Variants in FBXO42 observed in about 807,000 individuals in gnomAD.
The protein encoded by FBXO42 is F-box protein 42.
A neutral mutation model predicts 71.7 loss-of-function variants in FBXO42; 12 were observed. The observed-to-expected ratio is 0.17, with a 90% CI of 0.11 to 0.27. FBXO42 has a LOEUF of 0.27. Among genes scored for constraint, FBXO42 ranks in the 10% least tolerant of loss-of-function variants. The pLI, the probability that FBXO42 is intolerant of heterozygous loss-of-function variation, is 1.00. For missense variants in FBXO42, 707 were observed against 911.9 expected, an observed-to-expected ratio of 0.78 and a Z score of 2.89; for synonymous variants, 325 against 327.5, an observed-to-expected ratio of 0.99 and a Z score of 0.08.
At chr1:16,311,892 T>C (rs1383983139) in intron 2 of FBXO42, among the ~76,000 whole-genome samples, 1 of 152,150 alleles carries the variant, frequency 6.6e-6, no homozygotes, top group Non-Finnish European at 1.5e-5. Flanking sequence ...TGAAAACTTA[T>C]GTCCACAGAA....
chr1:16,253,193 C>T lies in FBXO42; in HGVS notation c.865-41G>A, dbSNP rs144192275. On this transcript the variant is annotated intron_variant, in intron 7 of 9. Transcript: ENST00000375592. ...CATTGAAAATAAACCTACAAAGACA[C>T]AGGTTTCTGACTTTCTATGCTTCAC... is the stretch of plus-strand genomic sequence containing the variant. 3,334 of 1,578,424 alleles carry T rather than the reference C, an allele frequency of 2.1e-3. 67 individuals are homozygous for T. Among genetic ancestry groups the T allele is most frequent in the East Asian group, 4.6e-3 (205 of 44,534 alleles).
At chr1:16,332,820 T>G (rs1466862700) in intron 1 of FBXO42, among the ~76,000 whole-genome samples, 1 of 152,034 alleles carries the variant, frequency 6.6e-6, no homozygotes, top group African/African-American at 2.4e-5. Flanking sequence ...GGATTACAAG[T>G]GTGAGCCACT....
At chr1:16,316,232 G>A (rs1332493905) in intron 1 of FBXO42, among the ~76,000 whole-genome samples, 1 of 148,912 alleles carries the variant, frequency 6.7e-6, no homozygotes, top group East Asian at 2.0e-4. Flanking sequence ...TTTTATGCAA[G>A]ACGATTCACT....
intron 1 of FBXO42, among the ~76,000 whole-genome samples, chr1:16,319,526 G>A (rs1235163073): frequency 1.3e-5 from 2 of 152,124 alleles, no homozygotes; most frequent in African/African-American, 4.8e-5. Flanking sequence ...GTGGTATGGG[G>A]GAAAGGCACT....
At chr1:16,300,670 G>C (rs2082182238) in intron 3 of FBXO42, among the ~76,000 whole-genome samples, 2 of 152,136 alleles carry the variant, frequency 1.3e-5, no homozygotes, top group Non-Finnish European at 2.9e-5. Flanking sequence ...GAAGAAGCAA[G>C]GGCGGTTATC....
chr1:16,342,474 AGGGAGGCT>A (rs1217665482), intron 1 of FBXO42, among the ~76,000 whole-genome samples: 1 of 149,262 alleles, frequency 6.7e-6, no homozygotes, highest in African/African-American at 2.5e-5. Flanking sequence ...CTCTGCTACT[AGGGAGGCT>A]GGGGTAGGAG....
chr1:16,349,141 C>G (rs1437340896), intron 1 of FBXO42, among the ~76,000 whole-genome samples: 1 of 152,096 alleles, frequency 6.6e-6, no homozygotes, highest in Non-Finnish European at 1.5e-5. Flanking sequence ...GGAAAAGAAC[C>G]CATGACAGAA....
intron 1 of FBXO42, among the ~76,000 whole-genome samples, chr1:16,341,910 G>A (rs1193710689): frequency 2.0e-5 from 3 of 149,600 alleles, no homozygotes; most frequent in Non-Finnish European, 4.4e-5. Flanking sequence ...GGCGGAGGTC[G>A]CGATGAGCCA....
chr1:16,335,668 C>A (rs1215454647), intron 1 of FBXO42, among the ~76,000 whole-genome samples: 2 of 151,866 alleles, frequency 1.3e-5, no homozygotes, highest in African/African-American at 4.8e-5. Flanking sequence ...GAGTTCGAGA[C>A]CAGCCTGGCC....
intron 1 of FBXO42, among the ~76,000 whole-genome samples, chr1:16,345,214 G>C (rs1166388528): frequency 6.6e-6 from 1 of 151,284 alleles, no homozygotes; most frequent in Non-Finnish European, 1.5e-5. Context: ...ACGAGGCCAG[G>C]AGTTCGAGAC....
At chr1:16,263,807 CTTTTTTTT>C (rs1193282987) in intron 4 of FBXO42, among the ~76,000 whole-genome samples, 3 of 126,644 alleles carry the variant, frequency 2.4e-5, no homozygotes, top group Middle Eastern at 4.3e-3. Context: ...CATACATTAA[CTTTTTTTT>C]TTTTTTTTTT....
rs190454215 is a variant in FBXO42 at position 16,253,593 on chromosome 1, C to T, written c.864+42G>A. 157 of 1,587,310 alleles carry T rather than the reference C, an allele frequency of 9.9e-5. 1 individual carries two copies. The African/African-American group carries it at 1.6e-3, about 16-fold the overall frequency. On this transcript the variant is annotated intron_variant, in intron 7 of 9. Coordinates refer to ENST00000375592, the MANE Select transcript of FBXO42 (RefSeq NM_018994.3). ...TCCCTCTCCCGTCCTAACTGAAAGA[C>T]GCTACAGTGTTTGCTGAATAGTTAT...
At chr1:16,332,736 T>C (rs2082512065) in intron 1 of FBXO42, among the ~76,000 whole-genome samples, 1 of 152,154 alleles carries the variant, frequency 6.6e-6, no homozygotes, top group South Asian at 2.1e-4. Context: ...AGATACAGTT[T>C]CACCATGTTG....
intron 4 of FBXO42, among the ~76,000 whole-genome samples, chr1:16,287,541 G>A (rs1315909778): frequency 6.6e-6 from 1 of 152,186 alleles, no homozygotes; most frequent in African/African-American, 2.4e-5. Flanking sequence ...ACATGAACAA[G>A]TGAAGGATGA....
At chr1:16,323,125 A>C (rs2082421323) in intron 1 of FBXO42, among the ~76,000 whole-genome samples, 1 of 152,248 alleles carries the variant, frequency 6.6e-6, no homozygotes, top group Admixed American at 6.5e-5. Context: ...CAAAAGGTTA[A>C]AAAATGTAAT....
intron 1 of FBXO42, among the ~76,000 whole-genome samples, chr1:16,350,756 A>AGACAAG (rs1557612351): frequency 1.6e-5 from 2 of 128,392 alleles, no homozygotes; most frequent in Non-Finnish European, 3.5e-5. Context: ...AAAAAAAAAA[A>AGACAAG]AAAAGAAAGA....
chr1:16,329,381 C>T (rs971646058), intron 1 of FBXO42, among the ~76,000 whole-genome samples: 1 of 151,342 alleles, frequency 6.6e-6, no homozygotes, highest in African/African-American at 2.4e-5. Context: ...CTCAGGAGTT[C>T]GAGATCAGCC....
chr1:16,346,335 A>T (rs2082653910), intron 1 of FBXO42, among the ~76,000 whole-genome samples: 1 of 152,184 alleles, frequency 6.6e-6, no homozygotes, highest in African/African-American at 2.4e-5. Flanking sequence ...TACCAGCTAA[A>T]ACCAAAACAC....
chr1:16,277,186 G>A (rs189828679), intron 4 of FBXO42, among the ~76,000 whole-genome samples: 153 of 152,254 alleles, frequency 1.0e-3, no homozygotes, highest in South Asian at 6.6e-3. Flanking sequence ...TGAAAGGCAC[G>A]TGTGTCCTCT....
Sources: gnomAD v4.1 joint callset for allele counts (sites outside exome capture counted in the v4.1 genomes callset) on GRCh38, gnomAD v4.1.1 for gene constraint, MANE v1.5 for transcripts, NCBI Gene and HGNC (gene_info 2026-07-23, HGNC 2026-07-21) for gene names.